USH2A: variants seen among roughly 807,000 people sequenced by gnomAD.
USH2A encodes the protein usherin.
Under a neutral mutation model 538.9 loss-of-function variants are expected in USH2A, and 443 were observed. The ratio of observed to expected loss-of-function variants is 0.82; its 90% CI spans 0.76 to 0.89. The LOEUF is 0.89. Among genes scored for constraint, USH2A ranks in the 40% least tolerant of loss-of-function variants. The pLI is 0.00. For missense variants in USH2A, 6,633 were observed against 6,324.8 expected (o/e 1.05, Z -1.65); for synonymous variants, 2,413 against 2,273.5 (o/e 1.06, Z -1.75).
At chr1:216,134,388 TATTA>T (rs2033438135) in intron 21 of USH2A, among the ~76,000 whole-genome samples, 1 of 152,120 alleles carries the variant, frequency 6.6e-6, no homozygotes, top group Admixed American at 6.6e-5. Context: ...TAGGAAACAA[TATTA>T]ATTAATTAAT....
chr1:216,046,693 A>G lies in USH2A; in HGVS notation c.6164-101T>C, dbSNP rs556699311. 4 of 1,383,516 alleles carry G rather than the reference A, an allele frequency of 2.9e-6. No individual in the cohort carries two copies. In the African/African-American group the frequency reaches 5.7e-5, roughly 20 times the overall value. 85.7% of individuals were successfully genotyped at this position (1,383,516 alleles called of 1,614,324 possible). ...AATCATGGAATAAACCTGAAATCCC[A>G]TGCATGGAAATATTCCCGATTCGTG... is the stretch of plus-strand genomic sequence containing the variant. On this transcript the variant is annotated intron_variant, in intron 31 of 71. Transcript: ENST00000307340.
At chr1:215,701,599 T>C (rs907774564) in intron 61 of USH2A, among the ~76,000 whole-genome samples, 1 of 152,228 alleles carries the variant, frequency 6.6e-6, no homozygotes. Context: ...TTTTGATCTT[T>C]GTTGGTTTAA....
intron 3 of USH2A, among the ~76,000 whole-genome samples, chr1:216,377,741 A>G (rs2038849054): frequency 7.4e-6 from 1 of 135,370 alleles, no homozygotes; most frequent in Non-Finnish European, 1.6e-5. Flanking sequence ...AAAGAGAAAG[A>G]AAAAAAAAAG....
At chr1:215,686,291 G>A (rs1289561200) in intron 61 of USH2A, among the ~76,000 whole-genome samples, 1 of 152,050 alleles carries the variant, frequency 6.6e-6, no homozygotes, top group Non-Finnish European at 1.5e-5. Flanking sequence ...GAAATACTAA[G>A]GAAATACTTG....
intron 26 of USH2A, among the ~76,000 whole-genome samples, chr1:216,082,577 G>A (rs2031986054): frequency 6.6e-6 from 1 of 151,722 alleles, no homozygotes. Flanking sequence ...TTTTTCTCCT[G>A]TTTCTATGCT....
chr1:215,790,354 T>C, intron 50 of USH2A, 72 bp from the exon 51 acceptor site: 1 of 1,560,330 alleles, frequency 6.4e-7, no homozygotes, highest in South Asian at 1.1e-5. Context: ...CTATAAAGTT[T>C]GGTATAAAAA....
At chr1:216,217,596 T>A (rs544654210) in intron 14 of USH2A, 46 bp from the exon 15 acceptor site, 1 of 1,601,744 alleles carries the variant, frequency 6.2e-7, no homozygotes, top group South Asian at 1.1e-5. Flanking sequence ...GTGTTTTGAT[T>A]AATAATTCAT....
At chr1:215,861,227 A>G (rs1256766342) in intron 44 of USH2A, among the ~76,000 whole-genome samples, 2 of 152,202 alleles carry the variant, frequency 1.3e-5, no homozygotes, top group Non-Finnish European at 1.5e-5. Context: ...TCCAGCTTCT[A>G]TCAGGGGCCT....
chr1:215,855,292 G>T (rs966819671), intron 44 of USH2A, among the ~76,000 whole-genome samples: 3 of 152,080 alleles, frequency 2.0e-5, no homozygotes, highest in Non-Finnish European at 4.4e-5. Context: ...AATAAATTCA[G>T]CAAAGTTTTG....
intron 60 of USH2A, among the ~76,000 whole-genome samples, chr1:215,736,029 C>T (rs1660146344): frequency 6.6e-6 from 1 of 152,092 alleles, no homozygotes; most frequent in South Asian, 2.1e-4. Flanking sequence ...CAGTGACTTG[C>T]CTAAGGTCAT....
At chr1:215,747,429 C>T (rs903062425) in intron 58 of USH2A, among the ~76,000 whole-genome samples, 3 of 152,140 alleles carry the variant, frequency 2.0e-5, no homozygotes, top group South Asian at 2.1e-4. Flanking sequence ...CACCACTCCA[C>T]GACAAAACTG....
At chr1:215,679,236 G>A (rs1471177357) in intron 62 of USH2A, among the ~76,000 whole-genome samples, 2 of 152,232 alleles carry the variant, frequency 1.3e-5, no homozygotes, top group Non-Finnish European at 2.9e-5. Flanking sequence ...CTCTCTTAGG[G>A]TTTTCAGGGA....
chr1:215,795,177 C>T (rs1379202965), intron 50 of USH2A, among the ~76,000 whole-genome samples: 1 of 152,190 alleles, frequency 6.6e-6, no homozygotes, highest in East Asian at 1.9e-4. Context: ...CTTCCTTACA[C>T]AGAGTGTATA....
Position 216,247,079 on chromosome 1 carries a change from GCTT to G in USH2A, c.2312_2314del (p.Glu771del), listed in dbSNP as rs1553320519. On this transcript the variant is annotated inframe_deletion, in exon 13 of 72. Coordinates refer to ENST00000307340, the MANE Select transcript of USH2A (RefSeq NM_206933.4). ...GCAGGTGTCACACTGAAGTCCTTTG[GCTT>G]CTTTTTTGCACTCACACTGCCCAGA... is the stretch of plus-strand genomic sequence containing the variant. 3.1e-6 allele frequency: 5 copies of G among 1,613,854 alleles called. No individual in the cohort carries two copies. The Admixed American group carries it at 8.3e-5, about 27-fold the overall frequency.
chr1:216,266,480 A>G (rs1267227952), intron 11 of USH2A, among the ~76,000 whole-genome samples: 1 of 152,174 alleles, frequency 6.6e-6, no homozygotes, highest in Non-Finnish European at 1.5e-5. Context: ...GGTTGCCTGT[A>G]AAGAAAGAAT....
chr1:215,708,322 C>A (rs990723209), intron 61 of USH2A, among the ~76,000 whole-genome samples: 3 of 152,092 alleles, frequency 2.0e-5, no homozygotes, highest in African/African-American at 7.2e-5. Context: ...CTGTCATATA[C>A]CCAGTTGGCA....
At chr1:215,681,124 T>G (rs76979604) in intron 61 of USH2A, among the ~76,000 whole-genome samples, 5,891 of 152,314 alleles carry the variant, frequency 0.039, 149 homozygotes, top group Middle Eastern at 0.085. Flanking sequence ...GATAGCCTAA[T>G]TAGGATTTTT....
intron 6 of USH2A, among the ~76,000 whole-genome samples, chr1:216,324,659 T>C (rs1438104541): frequency 1.3e-5 from 2 of 152,192 alleles, no homozygotes; most frequent in Non-Finnish European, 2.9e-5. Flanking sequence ...AAAAGCACCT[T>C]AGTTTGTATT....
At chr1:216,337,953 T>A (rs2038004496) in intron 4 of USH2A, among the ~76,000 whole-genome samples, 1 of 151,334 alleles carries the variant, frequency 6.6e-6, no homozygotes, top group South Asian at 2.1e-4. Flanking sequence ...ATTTTATATT[T>A]ATCCCTTTTA....
Sources: allele counts gnomAD v4.1 joint callset (sites outside exome capture counted in the v4.1 genomes callset), GRCh38; gene constraint gnomAD v4.1.1; transcripts MANE v1.5; gene names NCBI Gene and HGNC (gene_info 2026-07-23, HGNC 2026-07-21).